PFKFB3: variants seen among roughly 807,000 people sequenced by gnomAD.
PFKFB3 encodes the protein 6-phosphofructo-2-kinase/fructose-2,6-biphosphatase 3, also known as 6-phosphofructo-2-kinase/fructose-2,6-bisphosphatase 3.
A neutral mutation model predicts 68.0 loss-of-function variants in PFKFB3; 33 were observed. The ratio of observed to expected loss-of-function variants is 0.49; its 90% CI spans 0.37 to 0.65. The LOEUF is 0.65. PFKFB3 is among the 30% of genes least tolerant of loss of function. The pLI, the probability that PFKFB3 is intolerant of heterozygous loss-of-function variation, is 0.00. For synonymous variants in PFKFB3, 315 were observed against 288.2 expected (o/e 1.09, Z -0.94); for missense variants, 586 against 712.2 (o/e 0.82, Z 2.02).
the PFKFB3 span, among the ~76,000 whole-genome samples, chr10:6,319,757 A>T: frequency 6.6e-6 from 1 of 152,202 alleles, no homozygotes; most frequent in Non-Finnish European, 1.5e-5. Context: ...AGTCCTAAAA[A>T]ATTAACTCCC....
intron 13 of PFKFB3, chr10:6,225,393 C>T: frequency 2.7e-6 from 1 of 364,816 alleles, no homozygotes; most frequent in South Asian, 2.0e-5. Flanking sequence ...CCTGTCACCC[C>T]CTCCACTTCG....
intron 14 of PFKFB3, among the ~76,000 whole-genome samples, chr10:6,242,592 A>C (rs1232389855): frequency 6.8e-6 from 1 of 146,592 alleles, no homozygotes; most frequent in Non-Finnish European, 1.5e-5. Flanking sequence ...TTCTGTAAAC[A>C]TTTTTTTTTT....
intron 10 of PFKFB3, chr10:6,222,561 A>G (rs958705210): frequency 2.1e-5 from 5 of 234,964 alleles, no homozygotes; most frequent in African/African-American, 9.3e-5. Flanking sequence ...GGATCTGCCT[A>G]TTCTGGGCAT....
intron 1 of PFKFB3, among the ~76,000 whole-genome samples, chr10:6,177,373 T>C (rs1842510132): frequency 9.3e-6 from 1 of 107,016 alleles, no homozygotes. Flanking sequence ...TCTTTCTTTC[T>C]TTCTTTCTTT....
At chr10:6,232,204 C>T (rs543453941) in intron 14 of PFKFB3, among the ~76,000 whole-genome samples, 2 of 143,024 alleles carry the variant, frequency 1.4e-5, no homozygotes, top group East Asian at 4.0e-4. Context: ...GCAGTGGCTG[C>T]AGTCAGTTGT....
At chr10:6,284,711 G>A in the PFKFB3 span, among the ~76,000 whole-genome samples, 1 of 152,138 alleles carries the variant, frequency 6.6e-6, no homozygotes, top group Non-Finnish European at 1.5e-5. Context: ...CAAGAACTCT[G>A]AACTCACTGA....
downstream of PFKFB3, among the ~76,000 whole-genome samples, chr10:6,239,187 G>A (rs1229794334): frequency 1.3e-5 from 2 of 152,194 alleles, no homozygotes; most frequent in Non-Finnish European, 2.9e-5. Flanking sequence ...GACAGTTCCT[G>A]GCACAGAGAG....
At chr10:6,216,023 A>T in intron 3 of PFKFB3, 102 bp from the exon 4 acceptor site, 1 of 1,055,602 alleles carries the variant, frequency 9.5e-7, no homozygotes, top group Non-Finnish European at 1.5e-6. Flanking sequence ...TGTAGAATGG[A>T]ACCACCAGTT....
At chr10:6,219,725 C>T (rs1252069241) in intron 7 of PFKFB3, 32 bp downstream of exon 7, 1 of 1,607,130 alleles carries the variant, frequency 6.2e-7, no homozygotes, top group Non-Finnish European at 8.5e-7. Flanking sequence ...CTCTGCAAGA[C>T]CCACATGAGG....
At chr10:6,149,506 G>C (rs1841506225) in intron 1 of PFKFB3, 1 of 149,044 alleles carries the variant, frequency 6.7e-6, no homozygotes, top group South Asian at 2.1e-4. Context: ...AGAATCACTT[G>C]AACCCAGGAG....
the PFKFB3 span, among the ~76,000 whole-genome samples, chr10:6,272,317 A>C: frequency 6.6e-6 from 1 of 152,200 alleles, no homozygotes; most frequent in Non-Finnish European, 1.5e-5. Context: ...TGATCGTTCC[A>C]ATTGCCCTAT....
intron 1 of PFKFB3, among the ~76,000 whole-genome samples, chr10:6,208,454 A>G (rs1273293976): frequency 7.3e-6 from 1 of 137,384 alleles, no homozygotes. Flanking sequence ...GGATTTAGAC[A>G]CCATGGGAAA....
intron 1 of PFKFB3, among the ~76,000 whole-genome samples, chr10:6,168,455 G>T (rs1245719414): frequency 6.6e-6 from 1 of 152,216 alleles, no homozygotes; most frequent in Non-Finnish European, 1.5e-5. Flanking sequence ...CTGTGCTTCA[G>T]TTCCCTGATG....
chr10:6,291,827 A>G, the PFKFB3 span, among the ~76,000 whole-genome samples: 6 of 152,158 alleles, frequency 3.9e-5, no homozygotes, highest in Non-Finnish European at 8.8e-5. Flanking sequence ...GATGCTTAAC[A>G]CAGTTAAGGC....
chr10:6,302,911 A>G, the PFKFB3 span, among the ~76,000 whole-genome samples: 2 of 152,276 alleles, frequency 1.3e-5, no homozygotes, highest in South Asian at 4.1e-4. Context: ...CACCTTGGAC[A>G]TGGCGTCTCC....
At chr10:6,260,392 C>T in the PFKFB3 span, among the ~76,000 whole-genome samples, 3,182 of 124,704 alleles carry the variant, frequency 0.026, 119 homozygotes, top group South Asian at 0.19. Context: ...CCAGCCTGGG[C>T]GACAGAGCGA....
the PFKFB3 span, among the ~76,000 whole-genome samples, chr10:6,266,466 C>T: frequency 1.2e-4 from 18 of 152,282 alleles, 2 homozygotes; most frequent in Admixed American, 6.5e-4. Flanking sequence ...AACAAGCCCT[C>T]GGTCCTAGAT....
chr10:6,250,590 G>GTGGGGTCTTTGAGAGGTGATTAGGCCC (rs1846358940), intron 14 of PFKFB3, among the ~76,000 whole-genome samples: 3 of 151,792 alleles, frequency 2.0e-5, no homozygotes. Flanking sequence ...AAAAAAAGAG[G>GTGGGGTCTTTGAGAGGTGATTAGGCCC]TGGGGTCTTT....
chr10:6,223,664 G>A (rs769833499), intron 11 of PFKFB3, among the ~76,000 whole-genome samples: 11 of 152,116 alleles, frequency 7.2e-5, no homozygotes, highest in South Asian at 2.1e-4. Context: ...CTCTTCTTGC[G>A]CAGGCTGCAG....
Sources: allele counts gnomAD v4.1 joint callset (sites outside exome capture counted in the v4.1 genomes callset), GRCh38; gene constraint gnomAD v4.1.1; transcripts MANE v1.5; gene names NCBI Gene and HGNC (gene_info 2026-07-23, HGNC 2026-07-21).